BAALC: variants seen among roughly 807,000 people sequenced by gnomAD.
The protein encoded by BAALC is BAALC binder of MAP3K1 and KLF4.
BAALC carries 9 observed loss-of-function variants against 15.5 expected under a neutral mutation model. The observed-to-expected ratio is 0.58, with a 90% confidence interval of 0.35 to 1.02. BAALC has a LOEUF of 1.02. Among genes scored for constraint, BAALC ranks in the 50% least tolerant of loss-of-function variants. The pLI, the probability that BAALC is intolerant of heterozygous loss-of-function variation, is 0.02. For missense variants in BAALC, 201 were observed against 192.4 expected, an observed-to-expected ratio of 1.04 and a Z score of -0.27; for synonymous variants, 80 against 74.6, an observed-to-expected ratio of 1.07 and a Z score of -0.37.
Position 103,230,111 on chromosome 8 carries a change from G to A in BAALC, c.*2012G>A, listed in dbSNP as rs368162405. The A allele has an allele frequency of 7.2e-5, 11 of 152,264 alleles. No homozygotes were observed. In the East Asian group the frequency reaches 2.1e-3, roughly 29 times the overall value. 9.4% of individuals were successfully genotyped at this position (152,264 alleles called of 1,614,324 possible). On this transcript the variant is annotated 3_prime_UTR_variant, in exon 3 of 3. Coordinates refer to ENST00000309982, the MANE Select transcript of BAALC (RefSeq NM_024812.3). ...ACTTACAGGGGAGAAGGAAATGCAGGGCACATGATCTGGCCCTCCCCAGAA... is the reference window on the plus strand; with the variant it reads ...ACTTACAGGGGAGAAGGAAATGCAGAGCACATGATCTGGCCCTCCCCAGAA...
intron 1 of BAALC, among the ~76,000 whole-genome samples, chr8:103,147,576 T>C (rs1167943733): frequency 1.3e-5 from 2 of 152,092 alleles, no homozygotes; most frequent in Admixed American, 6.5e-5. Context: ...ATCCCTCAGG[T>C]TTGGACTCCT....
intron 1 of BAALC, 159 bp downstream of exon 1, chr8:103,141,216 T>A: frequency 1.2e-6 from 1 of 829,138 alleles, no homozygotes; most frequent in Middle Eastern, 3.8e-4. Context: ...AGTGGACAGA[T>A]GCAAGCCCAG....
chr8:103,179,212 G>A (rs1442977643), intron 1 of BAALC, among the ~76,000 whole-genome samples: 2 of 152,146 alleles, frequency 1.3e-5, no homozygotes, highest in African/African-American at 4.8e-5. Context: ...TGGAAATTTT[G>A]GGCCCAAATA....
chr8:103,154,781 A>G (rs984883733), intron 1 of BAALC: 2 of 154,320 alleles, frequency 1.3e-5, no homozygotes, highest in African/African-American at 4.8e-5. Flanking sequence ...GAGTTTTCTT[A>G]TTTATGATTG....
At chr8:103,187,726 G>C (rs541376917) in intron 1 of BAALC, among the ~76,000 whole-genome samples, 2 of 152,250 alleles carry the variant, frequency 1.3e-5, no homozygotes, top group East Asian at 3.9e-4. Flanking sequence ...CTTCACACTG[G>C]GTAAGGCTTG....
chr8:103,157,625 T>C (rs985381194), intron 1 of BAALC, among the ~76,000 whole-genome samples: 1 of 152,066 alleles, frequency 6.6e-6, no homozygotes, highest in African/African-American at 2.4e-5. Flanking sequence ...CTGGGCAATA[T>C]AGTGAGGCCT....
chr8:103,185,817 T>TGTACAAAG (rs1243760118), intron 1 of BAALC, among the ~76,000 whole-genome samples: 3 of 152,250 alleles, frequency 2.0e-5, no homozygotes, highest in Admixed American at 2.0e-4. Flanking sequence ...TAGTCACAAG[T>TGTACAAAG]GTACAAAGGA....
rs1047572283 is a variant in BAALC, at chr8:103,230,070, A to G, written c.*1971A>G. 1 of 152,174 alleles carries G rather than the reference A, an allele frequency of 6.6e-6. No homozygotes were observed. Among genetic ancestry groups the G allele is most frequent in the Non-Finnish European group, 1.5e-5 (1 of 68,024 alleles). 9.4% of individuals were successfully genotyped at this position (152,174 alleles called of 1,614,324 possible). A position where few individuals can be genotyped will look rare whatever the true frequency, so the allele number is the denominator to read the frequency against. On this transcript the variant is annotated 3_prime_UTR_variant, in exon 3 of 3. Coordinates refer to ENST00000309982, the MANE Select transcript of BAALC (RefSeq NM_024812.3). Reference sequence around the variant, plus strand: ...CCTTAAGAAAGTGTCTCTGTTTTATATAGAAACACTTTCTCACTTACAGGG... The same window carrying G: ...CCTTAAGAAAGTGTCTCTGTTTTATGTAGAAACACTTTCTCACTTACAGGG...
At chr8:103,216,033 T>A (rs922969758) in intron 2 of BAALC, among the ~76,000 whole-genome samples, 2 of 152,220 alleles carry the variant, frequency 1.3e-5, no homozygotes, top group African/African-American at 4.8e-5. Flanking sequence ...AAGTGTGAGC[T>A]TTTTCATGTC....
chr8:103,187,765 G>A (rs1037135382), intron 1 of BAALC, among the ~76,000 whole-genome samples: 7 of 152,078 alleles, frequency 4.6e-5, no homozygotes, highest in African/African-American at 1.7e-4. Context: ...TCCCTTAGAG[G>A]GAGTTATTTT....
At chr8:103,227,163 C>T (rs970859382) in intron 2 of BAALC, among the ~76,000 whole-genome samples, 1 of 152,028 alleles carries the variant, frequency 6.6e-6, no homozygotes, top group East Asian at 1.9e-4. Context: ...GTCATTCTTC[C>T]TGACTGTGTG....
At chr8:103,208,844 T>TGGGAGAA (rs1377467555) in intron 1 of BAALC, among the ~76,000 whole-genome samples, 1 of 152,068 alleles carries the variant, frequency 6.6e-6, no homozygotes, top group Non-Finnish European at 1.5e-5. Flanking sequence ...TGGATTGCAT[T>TGGGAGAA]GGGAGAAGGG....
At chr8:103,213,297 G>A (rs1812493119) in intron 2 of BAALC, 2 of 533,882 alleles carry the variant, frequency 3.7e-6, no homozygotes, top group East Asian at 3.0e-5. Flanking sequence ...CCATGTGTAT[G>A]TTTGCTTAAG....
chr8:103,168,047 G>GT (rs1811387883), intron 1 of BAALC, among the ~76,000 whole-genome samples: 1 of 152,130 alleles, frequency 6.6e-6, no homozygotes, highest in African/African-American at 2.4e-5. Flanking sequence ...GTGTAAACTA[G>GT]TTTTTTATTT....
intron 2 of BAALC, among the ~76,000 whole-genome samples, chr8:103,214,510 CCT>C (rs1812516690): frequency 6.6e-6 from 1 of 152,222 alleles, no homozygotes; most frequent in Non-Finnish European, 1.5e-5. Context: ...GCCAATGCCA[CCT>C]GTTTTCTGAG....
At chr8:103,183,305 T>C (rs1365746946) in intron 1 of BAALC, 2 of 701,748 alleles carry the variant, frequency 2.9e-6, no homozygotes, top group Non-Finnish European at 5.2e-6. Flanking sequence ...ATGGAATGTC[T>C]TATTTCCCTT....
chr8:103,223,776 A>G (rs918962493), intron 2 of BAALC, among the ~76,000 whole-genome samples: 1 of 152,202 alleles, frequency 6.6e-6, no homozygotes, highest in Non-Finnish European at 1.5e-5. Flanking sequence ...TCATCTGTGT[A>G]TCATCTTTAA....
At chr8:103,165,424 C>T (rs570576058) in intron 1 of BAALC, 1 of 152,258 alleles carries the variant, frequency 6.6e-6, no homozygotes, top group East Asian at 1.9e-4. Context: ...CTGTTAAAAT[C>T]CCTAGATTAT....
At chr8:103,224,310 C>T (rs1366430468) in intron 2 of BAALC, among the ~76,000 whole-genome samples, 5 of 150,708 alleles carry the variant, frequency 3.3e-5, no homozygotes, top group Admixed American at 1.3e-4. Flanking sequence ...CCAAGGTGAG[C>T]GGGGCACAGC....
Sources: gnomAD v4.1 joint callset for allele counts (sites outside exome capture counted in the v4.1 genomes callset) on GRCh38, gnomAD v4.1.1 for gene constraint, MANE v1.5 for transcripts, NCBI Gene and HGNC (gene_info 2026-07-23, HGNC 2026-07-21) for gene names.